The following GRIN2A variants were observed in gnomAD, a reference collection of about 807,000 sequenced individuals.
GRIN2A encodes the protein glutamate ionotropic receptor NMDA type subunit 2A, also known as glutamate receptor ionotropic, NMDA 2A.
A neutral mutation model predicts 113.4 loss-of-function variants in GRIN2A; 22 were observed. That is an observed-to-expected ratio of 0.19 (90% CI 0.14 to 0.28). The LOEUF (loss-of-function observed/expected upper bound fraction) is 0.28, where lower values mean the gene tolerates loss of function less well. GRIN2A is among the 10% of genes least tolerant of loss of function. The pLI, the probability that GRIN2A is intolerant of heterozygous loss-of-function variation, is 1.00. For missense variants in GRIN2A, 1,502 were observed against 1,887.0 expected, an observed-to-expected ratio of 0.80 and a Z score of 3.78; for synonymous variants, 827 against 738.4, an observed-to-expected ratio of 1.12 and a Z score of -1.94.
At chr16:10,091,516 GGTAGT>G (rs944051447) in intron 2 of GRIN2A, among the ~76,000 whole-genome samples, 1 of 151,952 alleles carries the variant, frequency 6.6e-6, no homozygotes, top group Non-Finnish European at 1.5e-5. Context: ...AGCTGGGTGT[GGTAGT>G]GTATACCTGT....
intron 10 of GRIN2A, among the ~76,000 whole-genome samples, chr16:9,807,082 G>A (rs2041985947): frequency 6.6e-6 from 1 of 150,986 alleles, no homozygotes; most frequent in African/African-American, 2.4e-5. Context: ...CACCATGATT[G>A]TGAGGCCTCC....
chr16:9,843,857 G>A (rs1327361596), intron 5 of GRIN2A, among the ~76,000 whole-genome samples: 1 of 152,188 alleles, frequency 6.6e-6, no homozygotes, highest in Non-Finnish European at 1.5e-5. Context: ...GAATGGAGGG[G>A]GTTGGGCTAG....
chr16:10,064,098 T>C lies in GRIN2A; in HGVS notation c.414+115900A>G, dbSNP rs770342564. Reference sequence around the variant, plus strand: ...TAAGTTACTCTCAAACAGAGAGCTTTTCTTACCCATGGTAGGTTCTCAATC... The same window carrying C: ...TAAGTTACTCTCAAACAGAGAGCTTCTCTTACCCATGGTAGGTTCTCAATC... On this transcript the variant is annotated intron_variant, in intron 2 of 12. Coordinates refer to ENST00000330684, the MANE Select transcript of GRIN2A (RefSeq NM_001134407.3). 7.0e-4 allele frequency among the ~76,000 whole-genome samples: 107 copies of C among 152,216 alleles called. 2 individuals are homozygous for C. Among genetic ancestry groups the C allele is most frequent in the Non-Finnish European group, 1.9e-4 (13 of 68,034 alleles).
intron 2 of GRIN2A, among the ~76,000 whole-genome samples, chr16:10,104,711 A>G (rs1346476835): frequency 6.6e-6 from 1 of 152,216 alleles, no homozygotes; most frequent in African/African-American, 2.4e-5. Context: ...AGTGCAAAGC[A>G]TACCGAAAAA....
At chr16:9,831,176 G>C (rs1182510540) in intron 8 of GRIN2A, among the ~76,000 whole-genome samples, 1 of 152,178 alleles carries the variant, frequency 6.6e-6, no homozygotes, top group African/African-American at 2.4e-5. Flanking sequence ...GAATGGAAGG[G>C]CTGAGGAGTT....
rs2044671224 is a variant in GRIN2A at position 9,934,687 on chromosome 16, A to T, written c.1007+3272T>A. On this transcript the variant is annotated intron_variant, in intron 3 of 12. Transcript: ENST00000330684. ...AGAGCGAGACTCTGTCTAAAAAAAAAAAAAAAAAAAAAAAAAAAGGAGATA... is the reference window on the plus strand; with the variant it reads ...AGAGCGAGACTCTGTCTAAAAAAAATAAAAAAAAAAAAAAAAAAGGAGATA... Among the ~76,000 whole-genome samples the T allele has an allele frequency of 2.0e-5, 3 of 150,048 alleles. No homozygotes were observed. The South Asian group carries it at 6.3e-4, about 31-fold the overall frequency.
intron 4 of GRIN2A, among the ~76,000 whole-genome samples, chr16:9,879,188 T>C (rs991216402): frequency 2.0e-5 from 3 of 152,094 alleles, no homozygotes; most frequent in African/African-American, 7.2e-5. Flanking sequence ...AGGAAACAAA[T>C]TAAATTCCAC....
intron 10 of GRIN2A, among the ~76,000 whole-genome samples, chr16:9,820,858 G>A (rs1160131065): frequency 6.6e-6 from 1 of 152,154 alleles, no homozygotes; most frequent in Admixed American, 6.5e-5. Context: ...TACTTCAAAA[G>A]TTTAAAGAAA....
At chr16:9,947,215 C>T (rs1409132657) in intron 2 of GRIN2A, among the ~76,000 whole-genome samples, 1 of 152,120 alleles carries the variant, frequency 6.6e-6, no homozygotes, top group Non-Finnish European at 1.5e-5. Context: ...CTCACTTTTC[C>T]CTGCATGAGC....
rs1900727344 is a variant in GRIN2A, at chr16:9,763,949, G to A, written c.3595C>T (p.Pro1199Ser). ...TATCGCTCGCTGGTCTCACTGTGCG[G>A]GGAACCCTTGTCTTTCAAGGTGAAG... ...KHFTLKDKGSPHSETSERYRQ... is the reference protein window; with the variant it reads ...KHFTLKDKGSSHSETSERYRQ... Residue 1199 changes from proline (P) to serine (S), a missense_variant, in exon 13 of 13, where the codon CCG becomes TCG. Physicochemically the swap from Pro to Ser is moderately conservative, Grantham distance 74. This residue lies in a region of GRIN2A where 832 missense variants were observed against 789.7 expected (regional missense o/e 1.05). Transcript: ENST00000330684. The A allele has an allele frequency of 1.2e-6, 2 of 1,613,992 alleles. No homozygotes were observed. The highest frequency in any genetic ancestry group is 1.6e-4 in the Middle Eastern group (1 of 6,084).
intron 2 of GRIN2A, among the ~76,000 whole-genome samples, chr16:10,020,645 T>G (rs2046702171): frequency 6.6e-6 from 1 of 152,162 alleles, no homozygotes; most frequent in Non-Finnish European, 1.5e-5. Flanking sequence ...CAAGGTTAAT[T>G]GTTCTGATTC....
intron 2 of GRIN2A, among the ~76,000 whole-genome samples, chr16:10,146,525 C>T (rs374575178): frequency 1.3e-5 from 2 of 152,140 alleles, no homozygotes; most frequent in Admixed American, 6.6e-5. Flanking sequence ...ACTGAGATCA[C>T]CTCACATACA....
Position 9,763,032 on chromosome 16 carries a change from A to T in GRIN2A, c.*117T>A. On this transcript the variant is annotated 3_prime_UTR_variant, in exon 13 of 13. Coordinates refer to ENST00000330684, the MANE Select transcript of GRIN2A (RefSeq NM_001134407.3). ...AAGAGCCAACAACAACAACAACAAA[A>T]TACCTCCCTACATCTTCTTCCTCTT... The T allele has an allele frequency of 9.6e-7, 1 of 1,042,136 alleles. No individual in the cohort carries two copies. The highest frequency in any genetic ancestry group is 2.4e-5 in the East Asian group (1 of 41,512). 64.6% of individuals were successfully genotyped at this position (1,042,136 alleles called of 1,614,324 possible).
intron 2 of GRIN2A, among the ~76,000 whole-genome samples, chr16:10,074,196 G>A (rs2047822228): frequency 6.6e-6 from 1 of 152,184 alleles, no homozygotes; most frequent in Non-Finnish European, 1.5e-5. Flanking sequence ...ACACTCACCA[G>A]GATGGCTAAA....
intron 3 of GRIN2A, 92 bp downstream of exon 3, chr16:9,937,867 T>G: frequency 1.2e-6 from 1 of 861,644 alleles, no homozygotes; most frequent in Non-Finnish European, 1.9e-6. Flanking sequence ...GCATTTTCAG[T>G]GCGTATTTCC....
chr16:9,989,938 T>C (rs927918782), intron 2 of GRIN2A, among the ~76,000 whole-genome samples: 4 of 152,184 alleles, frequency 2.6e-5, no homozygotes, highest in Non-Finnish European at 4.4e-5. Flanking sequence ...CTGGTGGGAA[T>C]ATAAATTAGT....
chr16:10,142,496 C>A (rs2142259644), intron 2 of GRIN2A, among the ~76,000 whole-genome samples: 1 of 152,262 alleles, frequency 6.6e-6, no homozygotes, highest in Admixed American at 6.5e-5. Context: ...AGTTCAAGAC[C>A]AGCCTGGGCA....
intron 2 of GRIN2A, among the ~76,000 whole-genome samples, chr16:10,177,668 C>T (rs567426903): frequency 1.3e-5 from 2 of 152,350 alleles, no homozygotes; most frequent in African/African-American, 4.8e-5. Context: ...CCCCAAAACG[C>T]AGTTTCATCC....
intron 10 of GRIN2A, among the ~76,000 whole-genome samples, chr16:9,808,421 C>T (rs1233562895): frequency 6.6e-6 from 1 of 152,126 alleles, no homozygotes; most frequent in African/African-American, 2.4e-5. Flanking sequence ...ACTTGTCACA[C>T]AGGAGGACTG....
Sources: allele counts gnomAD v4.1 joint callset (sites outside exome capture counted in the v4.1 genomes callset), GRCh38; gene constraint gnomAD v4.1.1; regional missense constraint gnomAD v4.1.1; transcripts MANE v1.5; gene names NCBI Gene and HGNC (gene_info 2026-07-23, HGNC 2026-07-21).